Variants in TAF1A observed in about 807,000 individuals in gnomAD.
The protein encoded by TAF1A is TATA-box binding protein associated factor, RNA polymerase I subunit A.
In TAF1A, 42 loss-of-function variants were observed where a neutral mutation model predicts 61.6. The observed-to-expected ratio is 0.68, with a 90% CI of 0.53 to 0.88. TAF1A has a LOEUF of 0.88. Among genes scored for constraint, TAF1A ranks in the 40% least tolerant of loss-of-function variants. The pLI, the probability that TAF1A is intolerant of heterozygous loss-of-function variation, is 0.00. For missense variants in TAF1A, 424 were observed against 518.7 expected (o/e 0.82, Z 1.77); for synonymous variants, 179 against 177.7 (o/e 1.01, Z -0.06).
At chr1:222,581,089 G>C (rs761692261) in intron 3 of TAF1A, among the ~76,000 whole-genome samples, 7 of 152,140 alleles carry the variant, frequency 4.6e-5, no homozygotes, top group Non-Finnish European at 8.8e-5. Flanking sequence ...AAGTGAGTGA[G>C]ACTCCATCTC....
intron 5 of TAF1A, among the ~76,000 whole-genome samples, chr1:222,573,199 C>T (rs143275937): frequency 0.014 from 2,198 of 152,156 alleles, 30 homozygotes; most frequent in Middle Eastern, 0.024. Flanking sequence ...AACCTGGGAG[C>T]CAGAGGTTGC....
chr1:222,567,137 T>TA (rs1390614233), intron 7 of TAF1A, among the ~76,000 whole-genome samples: 1 of 152,226 alleles, frequency 6.6e-6, no homozygotes, highest in East Asian at 1.9e-4. Flanking sequence ...GCCGTTCTGA[T>TA]ATATGCTACA....
chr1:222,589,830 G>A lies in TAF1A; in HGVS notation c.-106C>T. 1 of 381,328 alleles carries A rather than the reference G, an allele frequency of 2.6e-6. No homozygotes were observed. The highest frequency in any genetic ancestry group is 3.8e-5 in the East Asian group (1 of 26,568). The allele number at this position is 381,328 out of a possible 1,614,324, so 23.6% of individuals were successfully genotyped here. Reference sequence around the variant, plus strand: ...GACGAGTTAGGAGAGCTTTATATGAGCAGGCGCTAAACCTGGTTTAGGTAT... The same window carrying A: ...GACGAGTTAGGAGAGCTTTATATGAACAGGCGCTAAACCTGGTTTAGGTAT... On this transcript the variant is annotated 5_prime_UTR_variant, in exon 1 of 11. Coordinates refer to ENST00000352967, the MANE Select transcript of TAF1A (RefSeq NM_005681.4).
rs149361858 is a variant in TAF1A at position 222,563,922 on chromosome 1, A to C, written c.961+137T>G. 6.2e-4 allele frequency: 387 copies of C among 628,090 alleles called. 2 individuals are homozygous for C. The African/African-American group carries it at 6.9e-3, about 11-fold the overall frequency. The allele number at this position is 628,090 out of a possible 1,614,324, so 38.9% of individuals were successfully genotyped here. A position where few individuals can be genotyped will look rare whatever the true frequency, so the allele number is the denominator to read the frequency against. On this transcript the variant is annotated intron_variant, in intron 8 of 10. Coordinates refer to ENST00000352967, the MANE Select transcript of TAF1A (RefSeq NM_005681.4). ...GTGCAAAAGCAGCCGCAGACAATAC[A>C]GAAACAGATGGACTCCAACAGAACT...
At chr1:222,587,095 C>T (rs1396149341) in intron 2 of TAF1A, among the ~76,000 whole-genome samples, 1 of 152,114 alleles carries the variant, frequency 6.6e-6, no homozygotes, top group African/African-American at 2.4e-5. Flanking sequence ...TGTTCCCTAC[C>T]AGGGATGCGG....
At chr1:222,555,193 T>G (rs200255421), downstream of TAF1A, among the ~76,000 whole-genome samples, 120 of 152,220 alleles carry the variant, frequency 7.9e-4, no homozygotes, top group Non-Finnish European at 1.4e-3. Context: ...CTGTTGGGGA[T>G]GTAAATTATG....
chr1:222,578,549 T>C (rs1184412055), intron 4 of TAF1A, among the ~76,000 whole-genome samples: 2 of 152,222 alleles, frequency 1.3e-5, no homozygotes, highest in Non-Finnish European at 2.9e-5. Context: ...AAACTCTTTA[T>C]AACCCCCGCC....
chr1:222,575,638 G>GA (rs1392209443), intron 5 of TAF1A, among the ~76,000 whole-genome samples: 2 of 152,168 alleles, frequency 1.3e-5, no homozygotes, highest in African/African-American at 4.8e-5. Flanking sequence ...ATAACAGCAA[G>GA]AAAGTCCCAA....
At chr1:222,583,219 A>G (rs1474927439) in intron 3 of TAF1A, among the ~76,000 whole-genome samples, 1 of 152,154 alleles carries the variant, frequency 6.6e-6, no homozygotes, top group Admixed American at 6.5e-5. Flanking sequence ...AAAGTAATAG[A>G]TTAGTGGCTG....
At chr1:222,581,263 C>A (rs1007699507) in intron 3 of TAF1A, among the ~76,000 whole-genome samples, 1 of 152,142 alleles carries the variant, frequency 6.6e-6, no homozygotes, top group Non-Finnish European at 1.5e-5. Context: ...AAAATCTGGA[C>A]AACAAGAGGC....
At chr1:222,567,775 G>GA (rs1435121785) in intron 7 of TAF1A, among the ~76,000 whole-genome samples, 41 of 152,052 alleles carry the variant, frequency 2.7e-4, no homozygotes, top group Admixed American at 4.6e-4. Flanking sequence ...AAGCAATTTT[G>GA]AAAAAGAACA....
intron 2 of TAF1A, 59 bp downstream of exon 2, chr1:222,588,384 C>T: frequency 6.3e-7 from 1 of 1,576,190 alleles, no homozygotes; most frequent in Non-Finnish European, 8.6e-7. Flanking sequence ...TTTTGTATCC[C>T]TATTGAATCT....
In TAF1A at chr1:222,584,236, G is replaced by C; in HGVS notation, c.183C>G (p.Ile61Met). 2 of 1,612,258 alleles carry C rather than the reference G, an allele frequency of 1.2e-6. No individual in the cohort carries two copies. Among genetic ancestry groups the C allele is most frequent in the Non-Finnish European group, 1.7e-6 (2 of 1,179,472 alleles). Residue 61 changes from isoleucine to methionine, a missense_variant, in exon 3 of 11, where the codon ATC (isoleucine) becomes ATG (methionine). By Grantham distance (10) the Ile-to-Met change is conservative. Transcript: ENST00000352967. ...AQTTSACLSFIQEALLKHQWQ... is the reference protein window; with the variant it reads ...AQTTSACLSFMQEALLKHQWQ... ...ATTGGTGCTTCAGCAGAGCTTCTTG[G>C]ATAAAACTTAAACAAGCACTTGTTG...
intron 2 of TAF1A, among the ~76,000 whole-genome samples, chr1:222,586,722 A>C (rs1295635987): frequency 1.3e-5 from 2 of 152,188 alleles, no homozygotes; most frequent in Non-Finnish European, 2.9e-5. Flanking sequence ...GCTTCAATCC[A>C]GACTGGCCCT....
chr1:222,576,716 A>G (rs1049637216), intron 5 of TAF1A, among the ~76,000 whole-genome samples: 2 of 152,242 alleles, frequency 1.3e-5, no homozygotes, highest in Admixed American at 1.3e-4. Context: ...CCTATTCTTT[A>G]AACATATTAT....
chr1:222,586,210 G>T (rs1453649420), intron 2 of TAF1A, among the ~76,000 whole-genome samples: 1 of 138,356 alleles, frequency 7.2e-6, no homozygotes, highest in East Asian at 2.2e-4. Context: ...TCAATCAGAA[G>T]CTGCATTTTA....
chr1:222,579,038 G>A (rs144519601), intron 4 of TAF1A, among the ~76,000 whole-genome samples: 5 of 152,064 alleles, frequency 3.3e-5, no homozygotes, highest in Non-Finnish European at 5.9e-5. Flanking sequence ...AAAAAGAGAC[G>A]CAGAGCACAC....
chr1:222,579,691 A>T, intron 4 of TAF1A, 68 bp downstream of exon 4: 1 of 1,559,390 alleles, frequency 6.4e-7, no homozygotes, highest in South Asian at 1.2e-5. Context: ...CTACCTTATC[A>T]CTGACACAAG....
chr1:222,579,959 T>C (rs748564145), intron 3 of TAF1A, 87 bp from the exon 4 acceptor site: 1 of 1,457,556 alleles, frequency 6.9e-7, no homozygotes, highest in South Asian at 1.4e-5. Context: ...ATTACAACAT[T>C]AATAACCTGT....
Sources: allele counts gnomAD v4.1 joint callset (sites outside exome capture counted in the v4.1 genomes callset), GRCh38; gene constraint gnomAD v4.1.1; transcripts MANE v1.5; gene names NCBI Gene and HGNC (gene_info 2026-07-23, HGNC 2026-07-21).